The following TMEM132D variants were observed in gnomAD, a reference collection of about 807,000 sequenced individuals.
The protein encoded by TMEM132D is transmembrane protein 132D.
A neutral mutation model predicts 62.3 loss-of-function variants in TMEM132D; 21 were observed. That is an observed-to-expected ratio of 0.34 (90% CI 0.24 to 0.49). The LOEUF (loss-of-function observed/expected upper bound fraction) is 0.49, where lower values mean the gene tolerates loss of function less well. Among genes scored for constraint, TMEM132D ranks in the 20% least tolerant of loss-of-function variants. TMEM132D has a pLI of 0.99. For missense variants in TMEM132D, 1,346 were observed against 1,402.8 expected, an observed-to-expected ratio of 0.96 and a Z score of 0.65; for synonymous variants, 621 against 575.6, an observed-to-expected ratio of 1.08 and a Z score of -1.13.
At chr12:129,509,290 T>TTATTAAATG (rs1443267376) in intron 3 of TMEM132D, among the ~76,000 whole-genome samples, 1 of 152,300 alleles carries the variant, frequency 6.6e-6, no homozygotes, top group East Asian at 1.9e-4. Flanking sequence ...TTTATTAAAT[T>TTATTAAATG]AAATTTATTG....
intron 5 of TMEM132D, among the ~76,000 whole-genome samples, chr12:129,188,381 G>C (rs923162540): frequency 2.6e-5 from 4 of 152,186 alleles, no homozygotes; most frequent in Non-Finnish European, 5.9e-5. Flanking sequence ...CCAGCTGACT[G>C]CAGATTCAAG....
At chr12:129,479,304 T>C (rs1322081553) in intron 3 of TMEM132D, among the ~76,000 whole-genome samples, 1 of 152,134 alleles carries the variant, frequency 6.6e-6, no homozygotes, top group Non-Finnish European at 1.5e-5. Flanking sequence ...AAAATTGGCA[T>C]CAAATTTAAG....
At chr12:129,312,894 A>G (rs1882014813) in intron 4 of TMEM132D, among the ~76,000 whole-genome samples, 1 of 152,242 alleles carries the variant, frequency 6.6e-6, no homozygotes, top group South Asian at 2.1e-4. Context: ...TGCATGAGCA[A>G]TAGTCAGATT....
chr12:129,798,495 T>C (rs954422690), intron 1 of TMEM132D, among the ~76,000 whole-genome samples: 4 of 152,286 alleles, frequency 2.6e-5, no homozygotes, highest in African/African-American at 7.2e-5. Flanking sequence ...CTTAACTATA[T>C]GAAATCAGCT....
intron 4 of TMEM132D, among the ~76,000 whole-genome samples, chr12:129,332,784 G>T (rs755972801): frequency 2.0e-5 from 3 of 152,246 alleles, no homozygotes; most frequent in Non-Finnish European, 4.4e-5. Flanking sequence ...ACTAGTAAGA[G>T]TACCTGCAAT....
intron 2 of TMEM132D, among the ~76,000 whole-genome samples, chr12:129,613,042 C>T (rs1328846616): frequency 6.6e-6 from 1 of 152,150 alleles, no homozygotes; most frequent in Non-Finnish European, 1.5e-5. Flanking sequence ...GTCCTGAGCC[C>T]ATCTGTTCTA....
chr12:129,710,832 A>C (rs1446494358), intron 1 of TMEM132D, among the ~76,000 whole-genome samples: 1 of 151,928 alleles, frequency 6.6e-6, no homozygotes, highest in Non-Finnish European at 1.5e-5. Flanking sequence ...TCTCAATGTC[A>C]GTGTGTTCAG....
At chr12:129,801,873 G>A (rs1432358280) in intron 1 of TMEM132D, among the ~76,000 whole-genome samples, 2 of 151,284 alleles carry the variant, frequency 1.3e-5, no homozygotes, top group East Asian at 1.9e-4. Flanking sequence ...ACCAAGGCTC[G>A]AGAACTACGT....
chr12:129,621,660 G>A (rs1211239215), intron 2 of TMEM132D, among the ~76,000 whole-genome samples: 4 of 152,194 alleles, frequency 2.6e-5, no homozygotes, highest in African/African-American at 4.8e-5. Context: ...TTAAAAGAGC[G>A]ACATGTTAAC....
chr12:129,605,769 T>C (rs2137146779), intron 2 of TMEM132D, among the ~76,000 whole-genome samples: 1 of 151,920 alleles, frequency 6.6e-6, no homozygotes, highest in South Asian at 2.1e-4. Flanking sequence ...GGCAATGGCG[T>C]TTCTCATACA....
rs1393866756 is a variant in TMEM132D, at chr12:129,700,381, T to C, written c.397A>G (p.Ile133Val). 8.1e-6 allele frequency: 13 copies of C among 1,613,980 alleles called. No homozygotes were observed. The highest frequency in any genetic ancestry group is 9.3e-6 in the Non-Finnish European group (11 of 1,180,044). Reference protein sequence around the residue: ...FSLNWKLKAHILRDKVYLSRP... With the variant: ...FSLNWKLKAHVLRDKVYLSRP... ...CTCAGGTAGACTTTGTCCCGCAGGA[T>C]GTGGGCTTTTAGTTTCCAGTTAAGA... is the stretch of plus-strand genomic sequence containing the variant. Residue 133 changes from isoleucine to valine, a missense_variant, in exon 2 of 9, where the codon ATC becomes GTC. By Grantham distance (29) the Ile-to-Val change is conservative. Transcript: ENST00000422113.
intron 4 of TMEM132D, among the ~76,000 whole-genome samples, chr12:129,312,624 C>G (rs765966941): frequency 9.9e-5 from 15 of 152,148 alleles, no homozygotes; most frequent in Non-Finnish European, 1.6e-4. Flanking sequence ...GGCTGGAGTG[C>G]AGTGGCACAA....
intron 2 of TMEM132D, among the ~76,000 whole-genome samples, chr12:129,641,680 G>A (rs1879644251): frequency 6.6e-6 from 1 of 152,228 alleles, no homozygotes; most frequent in Middle Eastern, 3.4e-3. Flanking sequence ...TGCTCTGCCA[G>A]GGCCAGAGTG....
In TMEM132D at chr12:129,652,622, T is replaced by C. The variant is rs112248845; in HGVS notation, c.968+47188A>G. ...GAAGGGGCCACAAGCCAGGGAATGCTTGCAGCCTCTAGTTGCTGGAGTGGC... is the reference window on the plus strand; with the variant it reads ...GAAGGGGCCACAAGCCAGGGAATGCCTGCAGCCTCTAGTTGCTGGAGTGGC... On this transcript the variant is annotated intron_variant, in intron 2 of 8. Coordinates refer to ENST00000422113, the MANE Select transcript of TMEM132D (RefSeq NM_133448.3). Among the ~76,000 whole-genome samples, 77 of 152,326 alleles carry C rather than the reference T, an allele frequency of 5.1e-4. 1 individual carries two copies. The highest frequency in any genetic ancestry group is 1.7e-3 in the African/African-American group (70 of 41,572).
chr12:129,089,659 A>G (rs1025189835), intron 5 of TMEM132D, among the ~76,000 whole-genome samples: 4 of 150,752 alleles, frequency 2.7e-5, no homozygotes, highest in Admixed American at 1.3e-4. Flanking sequence ...GTAAGGGGCT[A>G]GGACCCCTGC....
At chr12:129,778,083 C>A (rs1199637695) in intron 1 of TMEM132D, among the ~76,000 whole-genome samples, 1 of 143,710 alleles carries the variant, frequency 7.0e-6, no homozygotes, top group Non-Finnish European at 1.5e-5. Context: ...CCACTGCACT[C>A]CAGCCTGGGC....
At chr12:129,175,652 G>A (rs938396748) in intron 5 of TMEM132D, among the ~76,000 whole-genome samples, 4 of 152,114 alleles carry the variant, frequency 2.6e-5, no homozygotes, top group Non-Finnish European at 5.9e-5. Context: ...AAGTTGCAGC[G>A]AGCCAAGATC....
chr12:129,886,021 T>C (rs909921837), intron 1 of TMEM132D, among the ~76,000 whole-genome samples: 3 of 152,234 alleles, frequency 2.0e-5, no homozygotes, highest in Admixed American at 2.0e-4. Context: ...TATATTGAAC[T>C]TAAACTTTTT....
rs200157869 is a variant in TMEM132D at position 129,627,079 on chromosome 12, G to A, written c.968+72731C>T. On this transcript the variant is annotated intron_variant, in intron 2 of 8. Coordinates refer to ENST00000422113, the MANE Select transcript of TMEM132D (RefSeq NM_133448.3). ...GTGACAGGATCAAGCCAGCACAGGT[G>A]AATTGAGACGATGGCATCACTACAC... Among the ~76,000 whole-genome samples, 7 of 152,280 alleles carry A rather than the reference G, an allele frequency of 4.6e-5. No homozygotes were observed. In the East Asian group the frequency reaches 7.8e-4, roughly 17 times the overall value.
Sources: gnomAD v4.1 joint callset for allele counts (sites outside exome capture counted in the v4.1 genomes callset) on GRCh38, gnomAD v4.1.1 for gene constraint, MANE v1.5 for transcripts, NCBI Gene and HGNC (gene_info 2026-07-23, HGNC 2026-07-21) for gene names.